Variants in UBE2E3 observed in about 807,000 individuals in gnomAD.
The protein encoded by UBE2E3 is ubiquitin-conjugating enzyme E2 E3.
In UBE2E3, 5 loss-of-function variants were observed where a neutral mutation model predicts 23.6. The ratio of observed to expected loss-of-function variants is 0.21; its 90% CI spans 0.11 to 0.44. UBE2E3 has a LOEUF of 0.44. Among genes scored for constraint, UBE2E3 ranks in the 20% least tolerant of loss-of-function variants. The pLI, the probability that UBE2E3 is intolerant of heterozygous loss-of-function variation, is 0.99. For synonymous variants in UBE2E3, 78 were observed against 87.5 expected, an observed-to-expected ratio of 0.89 and a Z score of 0.60; for missense variants, 81 against 249.8, an observed-to-expected ratio of 0.32 and a Z score of 4.55.
intron 3 of UBE2E3, among the ~76,000 whole-genome samples, chr2:181,046,845 G>A (rs1686686549): frequency 6.6e-6 from 1 of 152,086 alleles, no homozygotes. Flanking sequence ...TGCCTTTACA[G>A]CACTCTTAGT....
chr2:181,032,176 A>G (rs1335674038), intron 3 of UBE2E3, among the ~76,000 whole-genome samples: 1 of 152,192 alleles, frequency 6.6e-6, no homozygotes, highest in Admixed American at 6.6e-5. Context: ...AGAGGGCAAA[A>G]TTAACTTTTT....
intron 3 of UBE2E3, among the ~76,000 whole-genome samples, chr2:180,985,847 A>G (rs1684449443): frequency 6.6e-6 from 1 of 152,142 alleles, no homozygotes; most frequent in African/African-American, 2.4e-5. Flanking sequence ...GTACGTGCAT[A>G]AATCTAGAGA....
chr2:181,051,765 T>G (rs2105474026), intron 3 of UBE2E3, among the ~76,000 whole-genome samples: 1 of 152,034 alleles, frequency 6.6e-6, no homozygotes, highest in Admixed American at 6.6e-5. Flanking sequence ...ATTAAAATAC[T>G]TAGTCCAACC....
intron 3 of UBE2E3, among the ~76,000 whole-genome samples, chr2:181,026,968 T>G (rs1685910951): frequency 6.6e-6 from 1 of 151,996 alleles, no homozygotes; most frequent in Non-Finnish European, 1.5e-5. Context: ...ATGTAGATTT[T>G]ACTAATCAGC....
intron 3 of UBE2E3, chr2:180,987,362 CACCACTTGTGCAA>C: frequency 6.5e-7 from 1 of 1,550,054 alleles, no homozygotes; most frequent in Non-Finnish European, 8.7e-7. Flanking sequence ...CTCTCCTAGT[CACCACTTGTGCAA>C]ACAGCGAAAG....
intron 3 of UBE2E3, among the ~76,000 whole-genome samples, chr2:181,041,945 TA>T (rs1168637256): frequency 6.6e-6 from 1 of 152,166 alleles, no homozygotes; most frequent in African/African-American, 2.4e-5. Context: ...CTATAAACAT[TA>T]TTGTGATATA....
At chr2:181,041,024 C>T (rs1422230715) in intron 3 of UBE2E3, among the ~76,000 whole-genome samples, 1 of 151,790 alleles carries the variant, frequency 6.6e-6, no homozygotes, top group Non-Finnish European at 1.5e-5. Context: ...CCCAGGCGGG[C>T]GAATCACGAG....
intron 3 of UBE2E3, among the ~76,000 whole-genome samples, chr2:181,010,803 ATCC>A (rs1460803568): frequency 6.6e-5 from 10 of 151,392 alleles, no homozygotes; most frequent in African/African-American, 1.7e-4. Context: ...CTGTTGTCAT[ATCC>A]TCCTCTTTTT....
Position 181,039,592 on chromosome 2 carries a change from G to A in UBE2E3, c.246-18101G>A, listed in dbSNP as rs181708333. Among the ~76,000 whole-genome samples, 12 of 152,140 alleles carry A rather than the reference G, an allele frequency of 7.9e-5. No individual in the cohort carries two copies. In the East Asian group the frequency reaches 2.1e-3, roughly 27 times the overall value. ...TTGAGACCATCCTGAGCAACATGGC[G>A]AGACTCCCATCTCTACAAAAAAACA... is the stretch of plus-strand genomic sequence containing the variant. On this transcript the variant is annotated intron_variant, in intron 3 of 5. Coordinates refer to ENST00000410062, the MANE Select transcript of UBE2E3 (RefSeq NM_006357.4).
At chr2:180,987,076 C>T (rs1393216381) in intron 3 of UBE2E3, among the ~76,000 whole-genome samples, 5 of 151,938 alleles carry the variant, frequency 3.3e-5, no homozygotes, top group South Asian at 2.1e-4. Context: ...TTGATAATGA[C>T]GTTATTTCCA....
intron 3 of UBE2E3, among the ~76,000 whole-genome samples, chr2:180,984,935 T>C (rs1684408270): frequency 6.6e-6 from 1 of 152,166 alleles, no homozygotes; most frequent in East Asian, 1.9e-4. Flanking sequence ...AAGAGATATG[T>C]GCTCAATAAT....
chr2:181,031,093 CT>C (rs1686064297), intron 3 of UBE2E3, among the ~76,000 whole-genome samples: 1 of 151,958 alleles, frequency 6.6e-6, no homozygotes, highest in African/African-American at 2.4e-5. Context: ...GTACATTTAC[CT>C]CTAAGTACTG....
chr2:181,037,508 GT>G (rs748567660), intron 3 of UBE2E3, among the ~76,000 whole-genome samples: 40 of 151,904 alleles, frequency 2.6e-4, no homozygotes, highest in Non-Finnish European at 5.3e-4. Context: ...TTGTGTCTTA[GT>G]TTTTACAAAA....
chr2:180,981,975 G>A, intron 1 of UBE2E3, 43 bp from the exon 2 acceptor site: 1 of 1,409,242 alleles, frequency 7.1e-7, no homozygotes. Flanking sequence ...TTATTTCCTA[G>A]ATTTAACATT....
rs1014515803 is a variant in UBE2E3, at chr2:181,060,826, T to A, written c.526+14T>A. The A allele has an allele frequency of 6.0e-5, 95 of 1,581,744 alleles. No homozygotes were observed. Among genetic ancestry groups the A allele is most frequent in the Non-Finnish European group, 7.8e-5 (91 of 1,164,816 alleles). ...ACTGCAACCCTGGTAAGCAAATCTT[T>A]ATTAACATGTACAATAAGACTACAA... is the stretch of plus-strand genomic sequence containing the variant. On this transcript the variant is annotated intron_variant, in intron 5 of 5. Coordinates refer to ENST00000410062, the MANE Select transcript of UBE2E3 (RefSeq NM_006357.4).
chr2:181,005,218 CATG>C (rs1392432669), intron 3 of UBE2E3, among the ~76,000 whole-genome samples: 5 of 152,178 alleles, frequency 3.3e-5, no homozygotes, highest in African/African-American at 1.2e-4. Context: ...TAGTTGACTC[CATG>C]ATTAGACAGA....
intron 3 of UBE2E3, among the ~76,000 whole-genome samples, chr2:181,033,715 A>G (rs1686165562): frequency 6.6e-6 from 1 of 152,212 alleles, no homozygotes; most frequent in Non-Finnish European, 1.5e-5. Flanking sequence ...CTGCACAGCA[A>G]AAGAAACTAC....
intron 3 of UBE2E3, among the ~76,000 whole-genome samples, chr2:181,012,027 C>T (rs569619325): frequency 3.9e-5 from 6 of 152,076 alleles, no homozygotes; most frequent in Non-Finnish European, 5.9e-5. Flanking sequence ...AGCATAGCTC[C>T]GCTTTGCTCT....
chr2:180,994,734 T>A (rs531909924), intron 3 of UBE2E3, among the ~76,000 whole-genome samples: 6 of 152,156 alleles, frequency 3.9e-5, no homozygotes, highest in African/African-American at 1.2e-4. Context: ...TGAAAGAAAC[T>A]TGCAGGTGAA....
Sources: allele counts gnomAD v4.1 joint callset (sites outside exome capture counted in the v4.1 genomes callset), GRCh38; gene constraint gnomAD v4.1.1; transcripts MANE v1.5; gene names NCBI Gene and HGNC (gene_info 2026-07-23, HGNC 2026-07-21).